POFUT2: variants seen among roughly 807,000 people sequenced by gnomAD.
POFUT2 encodes GDP-fucose protein O-fucosyltransferase 2.
POFUT2 carries 30 observed loss-of-function variants against 55.0 expected under a neutral mutation model. The observed-to-expected ratio is 0.55, with a 90% CI of 0.41 to 0.74. The LOEUF (loss-of-function observed/expected upper bound fraction) is 0.74, where lower values mean the gene tolerates loss of function less well. Ranked by LOEUF, POFUT2 falls within the 30% of genes least tolerant of loss-of-function variation. POFUT2 has a pLI of 0.00. For missense variants in POFUT2, 524 were observed against 562.6 expected (o/e 0.93, Z 0.69); for synonymous variants, 267 against 231.1 (o/e 1.16, Z -1.41).
chr21:45,267,683 T>G lies in POFUT2; in HGVS notation c.1043A>C (p.Glu348Ala). Residue 348 changes from glutamate to alanine, a missense_variant, in exon 8 of 9, where the codon GAG becomes GCG. Glu to Ala is a moderately radical substitution (Grantham distance 107). Around this residue, in one of 2 missense-constraint regions of POFUT2, gnomAD observed 250 missense variants for 318.2 expected, o/e 0.79. Coordinates refer to ENST00000349485, the MANE Select transcript of POFUT2 (RefSeq NM_133635.6). This position sits in a 1 kb window ranked among gnomAD's most constrained non-coding sequence, Gnocchi z 4.4. ...CCACGTGGGTTCAAACCTCACCATC[T>G]CGGGTAACAGCTTTTTTAGCTCTTC... ...EYEELKKLLP[E>A]MVRFEPTWEE... The G allele has an allele frequency of 1.2e-6, 2 of 1,614,172 alleles. No individual in the cohort carries two copies. The highest frequency in any genetic ancestry group is 1.7e-6 in the Non-Finnish European group (2 of 1,180,022).
At position 45,277,263 on chromosome 21, in the gene POFUT2, G is replaced by A. The variant is rs564493687; in HGVS notation, c.706-121C>T. The A allele has an allele frequency of 3.2e-5, 41 of 1,284,800 alleles. No homozygotes were observed. Among genetic ancestry groups the A allele is most frequent in the East Asian group, 2.8e-4 (11 of 39,382 alleles). The allele number at this position is 1,284,800 out of a possible 1,614,324, so 79.6% of individuals were successfully genotyped here. The stretch of plus-strand genomic sequence containing the variant: ...CAGCTGGAACAAGCCCCTCAGACAC[G>A]TCATCCACGGTCGCCTGAGAAGCAG... On this transcript the variant is annotated intron_variant, in intron 5 of 8. Transcript: ENST00000349485. The surrounding 1 kb of genome is among the most constrained non-coding windows in gnomAD (Gnocchi z 6.9).
At chr21:45,268,870 A>G (rs2093187596) in intron 7 of POFUT2, among the ~76,000 whole-genome samples, 2 of 92,760 alleles carry the variant, frequency 2.2e-5, no homozygotes, top group Non-Finnish European at 2.2e-5. Flanking sequence ...TGGGGGGGTC[A>G]GCACCCCGGG....
At position 45,265,675 on chromosome 21, in the gene POFUT2, GGCGTCAC is replaced by G. The variant is rs1355273556; in HGVS notation, c.1137-47_1137-41del. Reference sequence around the variant, plus strand: ...AGAGGTTCCAGAGTCAGGGAGAACTGGCGTCACAGAGGTTCCAGAGTCAGGGAGAACT... The same window carrying G: ...AGAGGTTCCAGAGTCAGGGAGAACTGAGAGGTTCCAGAGTCAGGGAGAACT... On this transcript the variant is annotated intron_variant, in intron 8 of 8. Coordinates refer to ENST00000349485, the MANE Select transcript of POFUT2 (RefSeq NM_133635.6). The surrounding 1 kb of genome is among the most constrained non-coding windows in gnomAD (Gnocchi z 4.6). 3 of 773,882 alleles carry G rather than the reference GGCGTCAC, an allele frequency of 3.9e-6. No homozygotes were observed. The highest frequency in any genetic ancestry group is 5.2e-6 in the Non-Finnish European group (3 of 580,778). 47.9% of individuals were successfully genotyped at this position (773,882 alleles called of 1,614,324 possible). A position where few individuals can be genotyped will look rare whatever the true frequency, so the allele number is the denominator to read the frequency against.
chr21:45,286,340 TAAG>T lies in POFUT2; in HGVS notation c.132-415_132-413del, dbSNP rs534365793. On this transcript the variant is annotated intron_variant, in intron 1 of 8. Transcript: ENST00000349485. ...TACAAGTATTTAATTCAGCTAAAAA[TAAG>T]AAGCCATTACATGTTAACAAAAACC... 3.0e-3 allele frequency among the ~76,000 whole-genome samples: 452 copies of T among 152,310 alleles called. 4 individuals are homozygous for T. Among genetic ancestry groups the T allele is most frequent in the Middle Eastern group, 0.027 (8 of 294 alleles).
At chr21:45,278,220 A>G (rs767767506) in intron 4 of POFUT2, 51 bp from the exon 5 acceptor site, 4 of 1,453,176 alleles carry the variant, frequency 2.8e-6, no homozygotes, top group Middle Eastern at 1.7e-4. Context: ...AAGGATGATG[A>G]CATTCACACT....
chr21:45,273,425 G>C (rs188256652), intron 6 of POFUT2, among the ~76,000 whole-genome samples: 1 of 152,270 alleles, frequency 6.6e-6, no homozygotes, highest in African/African-American at 2.4e-5. Context: ...AGGACCCAAT[G>C]AATTCACAGC....
chr21:45,287,625 C>T (rs1264961031), intron 1 of POFUT2, 116 bp downstream of exon 1: 7 of 954,856 alleles, frequency 7.3e-6, no homozygotes, highest in Non-Finnish European at 9.2e-6. Context: ...ATCCCGTGGG[C>T]CTGCCCCTGA....
rs1246271355 is a variant in POFUT2, at chr21:45,284,146, G to A, written c.383-619C>T. Among the ~76,000 whole-genome samples the A allele has an allele frequency of 6.6e-6, 1 of 151,398 alleles. No homozygotes were observed. The highest frequency in any genetic ancestry group is 2.4e-5 in the African/African-American group (1 of 41,158). On this transcript the variant is annotated intron_variant, in intron 2 of 8. Coordinates refer to ENST00000349485, the MANE Select transcript of POFUT2 (RefSeq NM_133635.6). The surrounding 1 kb of genome is among the most constrained non-coding windows in gnomAD (Gnocchi z 5.8). ...AGCACCGCGCAGGTGAAGTTCTGGGGCAGGAACAAAGCGGGAGGGAGCACC... is the reference window on the plus strand; with the variant it reads ...AGCACCGCGCAGGTGAAGTTCTGGGACAGGAACAAAGCGGGAGGGAGCACC...
chr21:45,278,669 C>T (rs529177262), intron 4 of POFUT2, among the ~76,000 whole-genome samples: 4 of 152,346 alleles, frequency 2.6e-5, no homozygotes, highest in South Asian at 2.1e-4. Context: ...GCGTCTCGTC[C>T]GAATTACTGC....
At position 45,265,277 on chromosome 21, in the gene POFUT2, A is replaced by C; in HGVS notation, c.*205T>G. 2.4e-6 allele frequency: 1 copy of C among 420,146 alleles called. No homozygotes were observed. The allele number at this position is 420,146 out of a possible 1,614,324, so 26.0% of individuals were successfully genotyped here. ...CAACCGCCACCCCCGAGAGCAGCGG[A>C]GCCTCTTCATCAGCCATGGCGGCTG... On this transcript the variant is annotated 3_prime_UTR_variant, in exon 9 of 9. Transcript: ENST00000349485. This position sits in a 1 kb window ranked among gnomAD's most constrained non-coding sequence, Gnocchi z 4.6.
intron 1 of POFUT2, 132 bp from the exon 2 acceptor site, chr21:45,286,060 T>C (rs1016431890): frequency 1.4e-6 from 1 of 731,210 alleles, no homozygotes; most frequent in African/African-American, 1.8e-5. Flanking sequence ...GTGAAGGCAG[T>C]GAGTGGCCTG....
At position 45,277,067 on chromosome 21, in the gene POFUT2, T is replaced by A. The variant is rs1160171854; in HGVS notation, c.781A>T (p.Thr261Ser). The A allele has an allele frequency of 6.2e-7, 1 of 1,614,116 alleles. No homozygotes were observed. Among genetic ancestry groups the A allele is most frequent in the East Asian group, 2.2e-5 (1 of 44,874 alleles). The change falls in exon 6 of 9, where the codon ACG becomes TCG. Residue 261 changes from threonine to serine, a missense_variant. Coordinates refer to ENST00000349485, the MANE Select transcript of POFUT2 (RefSeq NM_133635.6). The surrounding 1 kb of genome is among the most constrained non-coding windows in gnomAD (Gnocchi z 6.9). ...AAGGGGATCCTGTCTGCGTCGTCCG[T>A]GGAGTTGAGATGTCTGCTCCTGAAC... ...DEFRSRHLNS[T>S]DDADRIPFQE...
rs1206344864 is a variant in POFUT2 at position 45,267,978 on chromosome 21, CTCTCCT to C, written c.1013-271_1013-266del. On this transcript the variant is annotated intron_variant, in intron 7 of 8. Transcript: ENST00000349485. This position sits in a 1 kb window ranked among gnomAD's most constrained non-coding sequence, Gnocchi z 4.4. ...AAGGAAAGAAACGTGCTCCCTCTCC[CTCTCCT>C]TCTCCCTCTCCCTCTCCCCACGGTC... 4.2e-4 allele frequency among the ~76,000 whole-genome samples: 64 copies of C among 151,564 alleles called. No homozygotes were observed. The highest frequency in any genetic ancestry group is 1.0e-3 in the South Asian group (5 of 4,812).
Position 45,265,601 on chromosome 21 carries a change from A to G in POFUT2, c.1171T>C (p.Phe391Leu), listed in dbSNP as rs1215501669. ...FIGTSVSTFS[F>L]RIHEEREILG... is the part of the protein sequence containing the mutation. ...ATTTCTCTTTCCTCATGAATCCGAA[A>G]AGAAAATGTTGAGACTGAGGTGCCA... The change falls in exon 9 of 9, where the codon TTT becomes CTT. Residue 391 changes from phenylalanine (F) to leucine (L), a missense_variant. Around this residue, in one of 2 missense-constraint regions of POFUT2, gnomAD observed 250 missense variants for 318.2 expected, o/e 0.79. Transcript: ENST00000349485. The surrounding 1 kb of genome is among the most constrained non-coding windows in gnomAD (Gnocchi z 4.6). The G allele has an allele frequency of 1.2e-6, 2 of 1,613,940 alleles. No individual in the cohort carries two copies. The highest frequency in any genetic ancestry group is 1.7e-6 in the Non-Finnish European group (2 of 1,179,982).
chr21:45,281,999 G>A lies in POFUT2; in HGVS notation c.638+350C>T, dbSNP rs894634720. Among the ~76,000 whole-genome samples, 1 of 152,088 alleles carries A rather than the reference G, an allele frequency of 6.6e-6. No homozygotes were observed. Among genetic ancestry groups the A allele is most frequent in the Non-Finnish European group, 1.5e-5 (1 of 68,012 alleles). ...GTGGGTGTTGGGTGTGGGGAGGGGGGAGGTACTGGTAAAAGCTGCCCAAGT... is the reference window on the plus strand; with the variant it reads ...GTGGGTGTTGGGTGTGGGGAGGGGGAAGGTACTGGTAAAAGCTGCCCAAGT... On this transcript the variant is annotated intron_variant, in intron 4 of 8. Coordinates refer to ENST00000349485, the MANE Select transcript of POFUT2 (RefSeq NM_133635.6). This position sits in a 1 kb window ranked among gnomAD's most constrained non-coding sequence, Gnocchi z 5.0.
In POFUT2 at chr21:45,265,809, G is replaced by A. The variant is rs936711750; in HGVS notation, c.1137-174C>T. 9.6e-5 allele frequency: 136 copies of A among 1,417,748 alleles called. No individual in the cohort carries two copies. Among genetic ancestry groups the A allele is most frequent in the Middle Eastern group, 2.6e-4 (1 of 3,870 alleles). 87.8% of individuals were successfully genotyped at this position (1,417,748 alleles called of 1,614,324 possible). The stretch of plus-strand genomic sequence containing the variant: ...GGCCGCCCCCTTGCTGGCACCCCTC[G>A]CTCAGGTGCCCTCGACATCGGCGCC... On this transcript the variant is annotated intron_variant, in intron 8 of 8. Coordinates refer to ENST00000349485, the MANE Select transcript of POFUT2 (RefSeq NM_133635.6). This position sits in a 1 kb window ranked among gnomAD's most constrained non-coding sequence, Gnocchi z 4.6.
chr21:45,286,823 G>A (rs2031463954), intron 1 of POFUT2, among the ~76,000 whole-genome samples: 1 of 152,166 alleles, frequency 6.6e-6, no homozygotes, highest in Admixed American at 6.5e-5. Context: ...CGAACGCCAC[G>A]AGGGGCCGTG....
At chr21:45,276,694 C>A (rs1022922544) in intron 6 of POFUT2, among the ~76,000 whole-genome samples, 1 of 152,196 alleles carries the variant, frequency 6.6e-6, no homozygotes, top group Non-Finnish European at 1.5e-5. Context: ...CCTCTGACCA[C>A]CTCGAGCTCC....
At position 45,285,458 on chromosome 21, in the gene POFUT2, T is replaced by C. The variant is rs954147981; in HGVS notation, c.382+220A>G. On this transcript the variant is annotated intron_variant, in intron 2 of 8. Coordinates refer to ENST00000349485, the MANE Select transcript of POFUT2 (RefSeq NM_133635.6). The surrounding 1 kb of genome is among the most constrained non-coding windows in gnomAD (Gnocchi z 4.9). ...ACAAAGCTCATCCACTTCAGGTCCA[T>C]TTCCGAGAAACATTTTGGGAAGCTC... 13 of 619,346 alleles carry C rather than the reference T, an allele frequency of 2.1e-5. No individual in the cohort carries two copies. The highest frequency in any genetic ancestry group is 3.9e-5 in the Non-Finnish European group (13 of 337,372). The allele number at this position is 619,346 out of a possible 1,614,324, so 38.4% of individuals were successfully genotyped here.
Sources: gnomAD v4.1 joint callset for allele counts (sites outside exome capture counted in the v4.1 genomes callset) on GRCh38, gnomAD v4.1.1 for gene constraint, gnomAD v4.1.1 regional missense constraint, Gnocchi (gnomAD v3.1) non-coding constraint, MANE v1.5 for transcripts, NCBI Gene and HGNC (gene_info 2026-07-23, HGNC 2026-07-21) for gene names.